Variants in CYP3A7 observed in about 807,000 individuals in gnomAD.
CYP3A7 encodes the protein cytochrome P450 3A7.
In CYP3A7, 45 loss-of-function variants were observed where a neutral mutation model predicts 55.2. The ratio of observed to expected loss-of-function variants is 0.82; its 90% CI spans 0.64 to 1.05. The LOEUF (loss-of-function observed/expected upper bound fraction) is 1.05. Among genes scored for constraint, CYP3A7 ranks in the 50% least tolerant of loss-of-function variants. The pLI, the probability that CYP3A7 is intolerant of heterozygous loss-of-function variation, is 0.00. For missense variants in CYP3A7, 548 were observed against 605.3 expected (o/e 0.91, Z 0.99); for synonymous variants, 180 against 207.4 (o/e 0.87, Z 1.13).
chr7:99,714,433 A>G (rs1223540297), intron 8 of CYP3A7, 122 bp downstream of exon 8: 21 of 1,473,430 alleles, frequency 1.4e-5, no homozygotes, highest in East Asian at 4.8e-5. Flanking sequence ...TGCTCTAAAC[A>G]TAAGTACTCT....
intron 1 of CYP3A7, among the ~76,000 whole-genome samples, chr7:99,733,871 T>G (rs1415431466): frequency 6.6e-6 from 1 of 152,158 alleles, no homozygotes; most frequent in Non-Finnish European, 1.5e-5. Context: ...GAAATGGGGG[T>G]ATTAAAATAA....
intron 3 of CYP3A7, among the ~76,000 whole-genome samples, chr7:99,722,091 A>T (rs569573532): frequency 2.6e-5 from 4 of 152,320 alleles, no homozygotes; most frequent in East Asian, 3.9e-4. Flanking sequence ...CTGAATTTGC[A>T]CATAGCTTAT....
At chr7:99,723,188 G>A (rs951904091) in intron 2 of CYP3A7, among the ~76,000 whole-genome samples, 1 of 152,178 alleles carries the variant, frequency 6.6e-6, no homozygotes, top group Non-Finnish European at 1.5e-5. Flanking sequence ...GGTACATCCA[G>A]ATGGCCTGAG....
chr7:99,723,828 C>T (rs1258149870), intron 2 of CYP3A7, among the ~76,000 whole-genome samples: 1 of 152,174 alleles, frequency 6.6e-6, no homozygotes, highest in South Asian at 2.1e-4. Flanking sequence ...GGAGGAGATA[C>T]GTTTTATCCA....
intron 9 of CYP3A7, among the ~76,000 whole-genome samples, chr7:99,712,390 G>C (rs1813781619): frequency 6.6e-6 from 1 of 152,188 alleles, no homozygotes; most frequent in Non-Finnish European, 1.5e-5. Context: ...GAGCTCTGCT[G>C]TCCAATGTGG....
chr7:99,708,888 C>A, intron 11 of CYP3A7, 147 bp downstream of exon 11: 1 of 953,338 alleles, frequency 1.0e-6, no homozygotes, highest in Non-Finnish European at 1.6e-6. Context: ...TAAAGTGTGA[C>A]AATGATCAAT....
chr7:99,724,781 G>A (rs73410646), intron 2 of CYP3A7, among the ~76,000 whole-genome samples: 2,540 of 152,120 alleles, frequency 0.017, 62 homozygotes, highest in African/African-American at 0.056. Context: ...TTTCTCTATC[G>A]ACCTCTCCCA....
rs776834972 is a variant in CYP3A7 at position 99,715,870 on chromosome 7, G to A, written c.558C>T (p.Ser186=). The change falls in exon 7 of 13, where the codon AGC becomes AGT. Residue 186 remains serine (S), a synonymous_variant. Transcript: ENST00000336374. ...AGTCGATGCTCACTCCAAATGATGT[G>A]CTAGTGATCACATCCATGCTGTAGG... ...FGAYSMDVIT[S]TSFGVSIDSL... The A allele has an allele frequency of 8.1e-6, 13 of 1,613,730 alleles. No homozygotes were observed. Among genetic ancestry groups the A allele is most frequent in the Non-Finnish European group, 1.1e-5 (13 of 1,179,840 alleles).
chr7:99,705,737 G>A (rs182605954), intron 12 of CYP3A7, 142 bp from the exon 13 acceptor site: 16 of 1,014,792 alleles, frequency 1.6e-5, no homozygotes, highest in African/African-American at 1.3e-4. Context: ...TCTTGGATTC[G>A]TTATACTTAC....
intron 2 of CYP3A7, among the ~76,000 whole-genome samples, chr7:99,725,451 A>C (rs2687139): frequency 0.76 from 115,897 of 152,130 alleles, 47,126 homozygotes; most frequent in Non-Finnish European, 0.91. Flanking sequence ...AGACAACCCA[A>C]GACCATGTCT....
At chr7:99,728,413 A>G (rs1334142815) in intron 2 of CYP3A7, among the ~76,000 whole-genome samples, 1 of 152,076 alleles carries the variant, frequency 6.6e-6, no homozygotes, top group Admixed American at 6.6e-5. Context: ...TGTAGACACT[A>G]TGCTCTTTCT....
chr7:99,713,484 A>C lies in CYP3A7; in HGVS notation c.850T>G (p.Ser284Ala). Residue 284 changes from serine (S) to alanine (A), a missense_variant, in exon 9 of 13, where the codon TCT (serine) becomes GCT (alanine). Physicochemically the swap from Ser to Ala is moderately conservative, Grantham distance 99 (BLOSUM62 1). Transcript: ENST00000336374. ...LMIDSQNSKD[S>A]ETHKALSDLE... ...CTTTTGTTACCTTTGTGGGTCTCAG[A>C]GTCTTTTGAATTCTGAGAGTCAATC... The C allele has an allele frequency of 6.2e-7, 1 of 1,613,454 alleles. No individual in the cohort carries two copies. The highest frequency in any genetic ancestry group is 1.1e-5 in the South Asian group (1 of 91,078).
chr7:99,731,817 G>T (rs1269220365), intron 1 of CYP3A7, among the ~76,000 whole-genome samples: 3 of 152,132 alleles, frequency 2.0e-5, no homozygotes, highest in Non-Finnish European at 4.4e-5. Flanking sequence ...TCGTAGAAGT[G>T]CGAGCACCTT....
chr7:99,712,420 G>A (rs1292743594), intron 9 of CYP3A7, among the ~76,000 whole-genome samples: 2 of 152,164 alleles, frequency 1.3e-5, no homozygotes, highest in African/African-American at 4.8e-5. Flanking sequence ...TTGACATGTG[G>A]CTATTTAAAA....
chr7:99,716,034 C>A, intron 6 of CYP3A7, 128 bp from the exon 7 acceptor site: 1 of 1,563,714 alleles, frequency 6.4e-7, no homozygotes, highest in Non-Finnish European at 8.7e-7. Flanking sequence ...GAACTATTTA[C>A]TGGAGCATCT....
At position 99,705,440 on chromosome 7, in the gene CYP3A7, G is replaced by A; in HGVS notation, c.*60C>T. 6.4e-7 allele frequency: 1 copy of A among 1,560,968 alleles called. No homozygotes were observed. ...GGGTTCTATTTGTAAAGTAATTTGA[G>A]GTCTCTGGTGTTCTGGGGCACAGCT... On this transcript the variant is annotated 3_prime_UTR_variant, in exon 13 of 13. Transcript: ENST00000336374.
chr7:99,735,141 G>C lies in CYP3A7; in HGVS notation c.-48C>G. The stretch of plus-strand genomic sequence containing the variant: ...TCTCCTCTGAGTCTTTTTTTCAGCA[G>C]CGTGCTGCTGTTTGCTGGGCTGTGT... On this transcript the variant is annotated 5_prime_UTR_variant, in exon 1 of 13. Transcript: ENST00000336374. 6.2e-7 allele frequency: 1 copy of C among 1,611,454 alleles called. No homozygotes were observed. The highest frequency in any genetic ancestry group is 8.5e-7 in the Non-Finnish European group (1 of 1,178,178).
At chr7:99,722,415 G>A in intron 2 of CYP3A7, 67 bp from the exon 3 acceptor site, 1 of 1,577,670 alleles carries the variant, frequency 6.3e-7, no homozygotes, top group South Asian at 1.1e-5. Flanking sequence ...CTCTAATTGG[G>A]GTTGAAAACA....
intron 2 of CYP3A7, among the ~76,000 whole-genome samples, chr7:99,723,888 T>C (rs1372033474): frequency 1.3e-5 from 2 of 152,232 alleles, no homozygotes; most frequent in Non-Finnish European, 2.9e-5. Flanking sequence ...AGTCTTCCCT[T>C]GGTGTCTAAA....
Sources: allele counts gnomAD v4.1 joint callset (sites outside exome capture counted in the v4.1 genomes callset), GRCh38; gene constraint gnomAD v4.1.1; transcripts MANE v1.5; gene names NCBI Gene and HGNC (gene_info 2026-07-23, HGNC 2026-07-21).